The following DNM3 variants were observed in gnomAD, a reference collection of about 807,000 sequenced individuals.
DNM3 encodes the protein dynamin-3.
A neutral mutation model predicts 101.6 loss-of-function variants in DNM3; 47 were observed. The ratio of observed to expected loss-of-function variants is 0.46; its 90% CI spans 0.37 to 0.59. The LOEUF (loss-of-function observed/expected upper bound fraction) is 0.59. Among genes scored for constraint, DNM3 ranks in the 20% least tolerant of loss-of-function variants. The probability of loss-of-function intolerance (pLI) is 0.00; values close to 1 mark genes in which losing one functional copy is unlikely to be tolerated. For synonymous variants in DNM3, 385 were observed against 387.9 expected, an observed-to-expected ratio of 0.99 and a Z score of 0.09; for missense variants, 849 against 1,085.7, an observed-to-expected ratio of 0.78 and a Z score of 3.06.
At chr1:172,381,912 T>C (rs9425586) in intron 18 of DNM3, among the ~76,000 whole-genome samples, 107,086 of 152,026 alleles carry the variant, frequency 0.7, 40,683 homozygotes, top group East Asian at 0.88. Flanking sequence ...TCAAAAGCGG[T>C]GTTCTGGCCT....
chr1:172,166,895 T>C (rs2058763967), intron 14 of DNM3, among the ~76,000 whole-genome samples: 1 of 151,818 alleles, frequency 6.6e-6, no homozygotes, highest in African/African-American at 2.4e-5. Context: ...CATTCTCAGA[T>C]CTATATAAAT....
chr1:172,354,286 A>G (rs1206495411), intron 17 of DNM3, among the ~76,000 whole-genome samples: 1 of 152,146 alleles, frequency 6.6e-6, no homozygotes, highest in Non-Finnish European at 1.5e-5. Flanking sequence ...GAGAGAACAG[A>G]ATTTATTGGG....
intron 15 of DNM3, among the ~76,000 whole-genome samples, chr1:172,260,590 C>T (rs1302119014): frequency 6.6e-6 from 1 of 151,872 alleles, no homozygotes; most frequent in Non-Finnish European, 1.5e-5. Flanking sequence ...CTTTCTCCTG[C>T]TTGTTCTGTC....
At chr1:172,139,230 C>G (rs545943207) in intron 14 of DNM3, 1 of 217,690 alleles carries the variant, frequency 4.6e-6, no homozygotes, top group South Asian at 5.5e-5. Context: ...CAGAGTTCAG[C>G]GTAATTGAAC....
At chr1:172,351,416 C>T (rs970523208) in intron 17 of DNM3, among the ~76,000 whole-genome samples, 5 of 151,928 alleles carry the variant, frequency 3.3e-5, no homozygotes. Context: ...TTAAAGTAAA[C>T]TTTTTTAGCA....
intron 2 of DNM3, among the ~76,000 whole-genome samples, chr1:171,930,952 T>G (rs1448294989): frequency 6.6e-6 from 1 of 152,132 alleles, no homozygotes; most frequent in East Asian, 1.9e-4. Flanking sequence ...AAAAAGAGTA[T>G]ATCGCTTAGG....
At chr1:172,233,839 A>AAT (rs1266264224) in intron 14 of DNM3, among the ~76,000 whole-genome samples, 1 of 152,242 alleles carries the variant, frequency 6.6e-6, no homozygotes, top group Non-Finnish European at 1.5e-5. Context: ...AAAATTCAAC[A>AAT]GCCCTTCACG....
intron 2 of DNM3, among the ~76,000 whole-genome samples, chr1:171,936,276 C>A (rs751625017): frequency 6.6e-6 from 1 of 151,920 alleles, no homozygotes; most frequent in Non-Finnish European, 1.5e-5. Flanking sequence ...ACCCGGGAGG[C>A]AGAGGTTGCA....
rs187872220 is a variant in DNM3 at position 172,353,182 on chromosome 1, C to A, written c.1894-25836C>A. ...GTTCCTCCTGCCTGCAAGATGCTGTCATTTATTCTATACCGGATGAACATC... is the reference window on the plus strand; with the variant it reads ...GTTCCTCCTGCCTGCAAGATGCTGTAATTTATTCTATACCGGATGAACATC... On this transcript the variant is annotated intron_variant, in intron 17 of 20. Transcript: ENST00000627582. Among the ~76,000 whole-genome samples, 118 of 152,224 alleles carry A rather than the reference C, an allele frequency of 7.8e-4. 1 individual carries two copies. Among genetic ancestry groups the A allele is most frequent in the Admixed American group, 2.2e-3 (33 of 15,282 alleles).
At chr1:171,890,155 A>G (rs912515206) in intron 1 of DNM3, among the ~76,000 whole-genome samples, 7 of 152,252 alleles carry the variant, frequency 4.6e-5, no homozygotes, top group Non-Finnish European at 8.8e-5. Flanking sequence ...GATCTTGGGT[A>G]TAGTTCTTCA....
At chr1:172,063,463 CACTT>C (rs982776898) in intron 10 of DNM3, among the ~76,000 whole-genome samples, 4 of 151,446 alleles carry the variant, frequency 2.6e-5, no homozygotes, top group African/African-American at 4.9e-5. Flanking sequence ...CCCTAAATAA[CACTT>C]ACAACATTGG....
chr1:172,242,962 G>A (rs1230409898), intron 14 of DNM3, among the ~76,000 whole-genome samples: 2 of 152,004 alleles, frequency 1.3e-5, no homozygotes, highest in African/African-American at 4.8e-5. Context: ...GAAAGCTTTT[G>A]AAAATATTTT....
chr1:172,066,993 C>T lies in DNM3; in HGVS notation c.1336-1826C>T, dbSNP rs190371691. ...GTGTGTGTTTGTGTGTGTGTGCGCG[C>T]GTGCAAGACTTTTGATACATAATGT... On this transcript the variant is annotated intron_variant, in intron 10 of 20. Coordinates refer to ENST00000627582, the MANE Select transcript of DNM3 (RefSeq NM_015569.5). Among the ~76,000 whole-genome samples the T allele has an allele frequency of 1.6e-3, 245 of 151,308 alleles. 2 individuals are homozygous for T. The highest frequency in any genetic ancestry group is 0.01 in the South Asian group (50 of 4,784).
intron 12 of DNM3, among the ~76,000 whole-genome samples, chr1:172,088,785 C>T (rs182365835): frequency 3.9e-5 from 6 of 152,106 alleles, no homozygotes; most frequent in Non-Finnish European, 8.8e-5. Context: ...CCTGAACATT[C>T]AGAGAAATTA....
chr1:171,914,597 G>A (rs2039567225), intron 1 of DNM3, among the ~76,000 whole-genome samples: 1 of 151,892 alleles, frequency 6.6e-6, no homozygotes, highest in Non-Finnish European at 1.5e-5. Flanking sequence ...TCCGTATTTT[G>A]TAATTTGGTG....
chr1:172,401,869 A>G (rs1240302144), intron 20 of DNM3, among the ~76,000 whole-genome samples: 1 of 152,194 alleles, frequency 6.6e-6, no homozygotes, highest in Non-Finnish European at 1.5e-5. Context: ...AATGCCCAAA[A>G]TAAGAAGTAG....
At chr1:171,911,788 C>A (rs1034120708) in intron 1 of DNM3, among the ~76,000 whole-genome samples, 2 of 152,080 alleles carry the variant, frequency 1.3e-5, no homozygotes, top group African/African-American at 4.8e-5. Context: ...ACCAGAACTG[C>A]CCTGGTCAGC....
chr1:172,198,508 C>A (rs1264576521), intron 14 of DNM3, among the ~76,000 whole-genome samples: 2 of 151,468 alleles, frequency 1.3e-5, no homozygotes, highest in African/African-American at 4.9e-5. Flanking sequence ...CTTTGTACAT[C>A]TCATAGAATT....
rs117309085 is a variant in DNM3 at position 172,125,109 on chromosome 1, G to A, written c.1546-6066G>A. 1.1e-4 allele frequency among the ~76,000 whole-genome samples: 16 copies of A among 152,236 alleles called. No individual in the cohort carries two copies. In the East Asian group the frequency reaches 3.1e-3, roughly 29 times the overall value. On this transcript the variant is annotated intron_variant, in intron 13 of 20. Transcript: ENST00000627582. The stretch of plus-strand genomic sequence containing the variant: ...CCAAGGTATGTGAACTACCTTTATA[G>A]AAGCAGCTGCTTATCTACTGAGAAA...
Sources: gnomAD v4.1 joint callset for allele counts (sites outside exome capture counted in the v4.1 genomes callset) on GRCh38, gnomAD v4.1.1 for gene constraint, MANE v1.5 for transcripts, NCBI Gene and HGNC (gene_info 2026-07-23, HGNC 2026-07-21) for gene names.